OCA2: variants seen among roughly 807,000 people sequenced by gnomAD.
The protein encoded by OCA2 is OCA2 melanosomal transmembrane protein.
A neutral mutation model predicts 100.2 loss-of-function variants in OCA2; 77 were observed. The observed-to-expected ratio is 0.77, with a 90% CI of 0.64 to 0.93. The LOEUF is 0.93. OCA2 is among the 40% of genes least tolerant of loss of function. The pLI is 0.00. For missense variants in OCA2, 1,062 were observed against 1,089.1 expected (o/e 0.98, Z 0.35); for synonymous variants, 432 against 439.2 (o/e 0.98, Z 0.21).
chr15:27,793,042 A>G (rs2033159458), intron 23 of OCA2, among the ~76,000 whole-genome samples: 1 of 152,176 alleles, frequency 6.6e-6, no homozygotes, highest in African/African-American at 2.4e-5. Context: ...AAAACTGGAA[A>G]TCTCATGTTT....
chr15:27,962,848 C>G (rs1446095706), intron 15 of OCA2, among the ~76,000 whole-genome samples: 1 of 152,100 alleles, frequency 6.6e-6, no homozygotes, highest in East Asian at 1.9e-4. Flanking sequence ...AAGAGACAGA[C>G]TATCAGAGTA....
At chr15:27,759,718 G>A (rs375311272) in intron 23 of OCA2, among the ~76,000 whole-genome samples, 5 of 152,056 alleles carry the variant, frequency 3.3e-5, no homozygotes, top group African/African-American at 1.2e-4. Flanking sequence ...AAGAGAAAGT[G>A]GCACATGCAC....
chr15:27,833,411 A>T (rs1260987419), intron 23 of OCA2, among the ~76,000 whole-genome samples: 1 of 152,130 alleles, frequency 6.6e-6, no homozygotes, highest in Non-Finnish European at 1.5e-5. Flanking sequence ...GTTTGCTGAG[A>T]TTGTTTTAGA....
At chr15:27,978,978 C>A (rs1025753905) in intron 14 of OCA2, among the ~76,000 whole-genome samples, 2 of 152,166 alleles carry the variant, frequency 1.3e-5, no homozygotes, top group Non-Finnish European at 2.9e-5. Flanking sequence ...TGAGCCACCG[C>A]GCCTGGCCTT....
chr15:28,086,958 C>T (rs939251983), intron 1 of OCA2, among the ~76,000 whole-genome samples: 1 of 152,182 alleles, frequency 6.6e-6, no homozygotes, highest in Non-Finnish European at 1.5e-5. Context: ...AAAGACCTAA[C>T]TTTCATATAA....
chr15:27,836,756 T>G (rs1051678193), intron 23 of OCA2, among the ~76,000 whole-genome samples: 1 of 152,246 alleles, frequency 6.6e-6, no homozygotes, highest in African/African-American at 2.4e-5. Flanking sequence ...ATGGTAATGA[T>G]CCCTTTGAAT....
chr15:28,026,199 G>C (rs1208153611), intron 4 of OCA2, among the ~76,000 whole-genome samples: 2 of 152,208 alleles, frequency 1.3e-5, no homozygotes, highest in African/African-American at 4.8e-5. Context: ...ACGTCTTTTA[G>C]TTCAGTGGCA....
intron 9 of OCA2, among the ~76,000 whole-genome samples, chr15:27,992,947 A>C (rs898918252): frequency 1.4e-4 from 22 of 151,988 alleles, no homozygotes; most frequent in African/African-American, 5.3e-4. Flanking sequence ...GCATCACAAG[A>C]CCTCATCTCT....
chr15:28,004,755 A>C (rs942211073), intron 9 of OCA2, among the ~76,000 whole-genome samples: 2 of 152,048 alleles, frequency 1.3e-5, no homozygotes, highest in Non-Finnish European at 2.9e-5. Context: ...ACACACAGAC[A>C]CATGGTCTCA....
At chr15:28,044,451 G>C (rs986021094) in intron 2 of OCA2, among the ~76,000 whole-genome samples, 1 of 152,196 alleles carries the variant, frequency 6.6e-6, no homozygotes, top group African/African-American at 2.4e-5. Context: ...TCTTGTCCCA[G>C]TGGCCTGGCA....
chr15:27,989,776 T>C, intron 10 of OCA2, 110 bp from the exon 11 acceptor site: 1 of 959,802 alleles, frequency 1.0e-6, no homozygotes, highest in South Asian at 1.4e-5. Flanking sequence ...CGGGCCAGGG[T>C]TGGAAATCTC....
At chr15:27,934,577 A>G (rs930929017) in intron 18 of OCA2, among the ~76,000 whole-genome samples, 1 of 152,224 alleles carries the variant, frequency 6.6e-6, no homozygotes, top group South Asian at 2.1e-4. Flanking sequence ...TTTCTCTGCT[A>G]TATAGCAATA....
intron 19 of OCA2, among the ~76,000 whole-genome samples, chr15:27,898,004 G>C (rs2594896): frequency 1.3e-5 from 2 of 151,982 alleles, no homozygotes; most frequent in Admixed American, 6.6e-5. Context: ...GTAGCCCCTT[G>C]GTTTTGGCCC....
At chr15:27,779,826 A>G (rs554035178) in intron 23 of OCA2, among the ~76,000 whole-genome samples, 1 of 152,186 alleles carries the variant, frequency 6.6e-6, no homozygotes, top group South Asian at 2.1e-4. Context: ...TGTTTGTCTT[A>G]TAGCTTTTTT....
chr15:27,988,077 G>A (rs948331316), intron 11 of OCA2, among the ~76,000 whole-genome samples: 21 of 152,236 alleles, frequency 1.4e-4, no homozygotes, highest in Non-Finnish European at 2.1e-4. Context: ...GGAGACAGGC[G>A]TGTGGAGACC....
intron 2 of OCA2, among the ~76,000 whole-genome samples, chr15:28,055,436 T>TTTCC (rs2043660560): frequency 6.6e-6 from 1 of 152,218 alleles, no homozygotes. Context: ...TTCAATGCTG[T>TTTCC]TTCCCCTGAG....
intron 2 of OCA2, among the ~76,000 whole-genome samples, chr15:28,039,101 A>G (rs1161205064): frequency 6.6e-6 from 1 of 152,264 alleles, no homozygotes; most frequent in African/African-American, 2.4e-5. Context: ...TCAATTCACC[A>G]AGAAGTTATA....
chr15:27,831,671 G>A (rs1286333869), intron 23 of OCA2, among the ~76,000 whole-genome samples: 3 of 152,162 alleles, frequency 2.0e-5, no homozygotes, highest in Admixed American at 1.3e-4. Flanking sequence ...GTCTGTCTCC[G>A]GAGCTGCCTG....
intron 2 of OCA2, among the ~76,000 whole-genome samples, chr15:28,053,003 A>C (rs1222498889): frequency 3.3e-5 from 5 of 152,186 alleles, no homozygotes; most frequent in African/African-American, 7.2e-5. Context: ...TCACAGAGGG[A>C]ATCTGAGGTG....
Sources: gnomAD v4.1 joint callset for allele counts (sites outside exome capture counted in the v4.1 genomes callset) on GRCh38, gnomAD v4.1.1 for gene constraint, MANE v1.5 for transcripts, NCBI Gene and HGNC (gene_info 2026-07-23, HGNC 2026-07-21) for gene names.